The following GALNT17 variants were observed in gnomAD, a reference collection of about 807,000 sequenced individuals.
The protein encoded by GALNT17 is polypeptide N-acetylgalactosaminyltransferase 17, also known as UDP-GalNAc:polypeptide N-acetylgalactosaminyltransferase-like 3.
A neutral mutation model predicts 63.7 loss-of-function variants in GALNT17; 29 were observed. The observed-to-expected ratio is 0.46, with a 90% CI of 0.34 to 0.62. GALNT17 has a LOEUF of 0.62. GALNT17 is among the 20% of genes least tolerant of loss of function. The pLI is 0.01. For missense variants in GALNT17, 603 were observed against 799.6 expected, an observed-to-expected ratio of 0.75 and a Z score of 2.97; for synonymous variants, 305 against 318.3, an observed-to-expected ratio of 0.96 and a Z score of 0.45.
At chr7:71,243,481 C>T (rs545880348) in intron 1 of GALNT17, among the ~76,000 whole-genome samples, 5 of 152,170 alleles carry the variant, frequency 3.3e-5, no homozygotes, top group South Asian at 2.1e-4. Context: ...ACATGTTGGG[C>T]GACCTTAATT....
At chr7:71,142,984 AGGGAGGCTTGAACT>A (rs1787944834) in intron 1 of GALNT17, among the ~76,000 whole-genome samples, 1 of 150,384 alleles carries the variant, frequency 6.6e-6, no homozygotes, top group African/African-American at 2.4e-5. Flanking sequence ...GCCTGGAAGT[AGGGAGGCTTGAACT>A]GGTGCACGGT....
chr7:71,171,712 C>T (rs555763254), intron 1 of GALNT17, among the ~76,000 whole-genome samples: 18 of 152,258 alleles, frequency 1.2e-4, no homozygotes, highest in African/African-American at 2.2e-4. Context: ...GAAATACACA[C>T]GATGAGGTTG....
chr7:71,248,308 C>T (rs1790137036), intron 1 of GALNT17, among the ~76,000 whole-genome samples: 1 of 152,162 alleles, frequency 6.6e-6, no homozygotes, highest in African/African-American at 2.4e-5. Flanking sequence ...TAGGTCCCCC[C>T]CTCAACACGT....
chr7:71,628,381 G>A (rs574797831), intron 6 of GALNT17, among the ~76,000 whole-genome samples: 87 of 152,122 alleles, frequency 5.7e-4, no homozygotes, highest in African/African-American at 2.0e-3. Context: ...GGAGTGCAGT[G>A]ACATGATCTT....
chr7:71,620,237 G>C (rs141181898), intron 6 of GALNT17, among the ~76,000 whole-genome samples: 3 of 152,312 alleles, frequency 2.0e-5, no homozygotes, highest in African/African-American at 7.2e-5. Flanking sequence ...GAGGGATATA[G>C]GTTTGAAGTT....
At chr7:71,445,488 C>A (rs576006861) in intron 5 of GALNT17, among the ~76,000 whole-genome samples, 2 of 151,384 alleles carry the variant, frequency 1.3e-5, no homozygotes, top group African/African-American at 2.4e-5. Context: ...TGAGCCACTG[C>A]GCCCGGCCAG....
chr7:71,240,554 C>T (rs1180505263), intron 1 of GALNT17, among the ~76,000 whole-genome samples: 1 of 152,162 alleles, frequency 6.6e-6, no homozygotes, highest in African/African-American at 2.4e-5. Context: ...TGCATTAATT[C>T]TCTTAAGATA....
intron 5 of GALNT17, among the ~76,000 whole-genome samples, chr7:71,427,113 T>C (rs1452207844): frequency 1.3e-5 from 2 of 148,986 alleles, no homozygotes; most frequent in African/African-American, 4.9e-5. Context: ...GGAGTCTTGC[T>C]CTGTCACCCA....
chr7:71,467,678 T>A (rs1787558673), intron 5 of GALNT17, among the ~76,000 whole-genome samples: 1 of 152,120 alleles, frequency 6.6e-6, no homozygotes, highest in Admixed American at 6.6e-5. Flanking sequence ...AGCTACCAGC[T>A]TCGTCCCAGA....
intron 1 of GALNT17, among the ~76,000 whole-genome samples, chr7:71,321,072 G>T (rs4719111): frequency 0.63 from 95,126 of 151,910 alleles, 30,085 homozygotes; most frequent in African/African-American, 0.7. Context: ...GACTGAGAGG[G>T]GCTGAGCAAA....
At chr7:71,390,436 G>T (rs751489351) in intron 3 of GALNT17, among the ~76,000 whole-genome samples, 7 of 152,132 alleles carry the variant, frequency 4.6e-5, no homozygotes, top group Non-Finnish European at 1.0e-4. Context: ...TCATTTGTTG[G>T]ATTTTTCACA....
chr7:71,197,602 C>A (rs528984164), intron 1 of GALNT17, among the ~76,000 whole-genome samples: 1 of 152,022 alleles, frequency 6.6e-6, no homozygotes, highest in South Asian at 2.1e-4. Flanking sequence ...CCCCCACTCC[C>A]CTTCCCAGCC....
intron 1 of GALNT17, among the ~76,000 whole-genome samples, chr7:71,217,003 G>A (rs1181905298): frequency 6.6e-6 from 1 of 152,108 alleles, no homozygotes; most frequent in Non-Finnish European, 1.5e-5. Flanking sequence ...TTGCCCTGTT[G>A]TTTAGCCTGC....
intron 2 of GALNT17, among the ~76,000 whole-genome samples, chr7:71,387,774 G>A (rs1792973536): frequency 6.6e-6 from 1 of 152,124 alleles, no homozygotes; most frequent in African/African-American, 2.4e-5. Context: ...AGCACAGGTA[G>A]ATGCGGGTAG....
At chr7:71,544,518 A>T (rs1788949993) in intron 5 of GALNT17, among the ~76,000 whole-genome samples, 1 of 152,176 alleles carries the variant, frequency 6.6e-6, no homozygotes, top group Admixed American at 6.5e-5. Context: ...GGCTGCAGCT[A>T]GCAATCTATT....
chr7:71,684,855 G>A (rs1312595243), intron 9 of GALNT17, among the ~76,000 whole-genome samples: 1 of 151,944 alleles, frequency 6.6e-6, no homozygotes, highest in African/African-American at 2.4e-5. Context: ...TGTAAAGATG[G>A]GGTCTCACTA....
intron 2 of GALNT17, among the ~76,000 whole-genome samples, chr7:71,375,939 C>T (rs1292542891): frequency 6.6e-6 from 1 of 152,026 alleles, no homozygotes; most frequent in Non-Finnish European, 1.5e-5. Flanking sequence ...TTAGCCGGTG[C>T]GGTGGCGTGC....
At position 71,613,663 on chromosome 7, in the gene GALNT17, A is replaced by T. The variant is rs1041172168; in HGVS notation, c.1080+42261A>T. ...TCCCTCTGTCTTTGTTGGCTCCAGAACACATAATTTCAGAAAAATCAGGTA... is the reference window on the plus strand; with the variant it reads ...TCCCTCTGTCTTTGTTGGCTCCAGATCACATAATTTCAGAAAAATCAGGTA... On this transcript the variant is annotated intron_variant, in intron 6 of 10. Coordinates refer to ENST00000333538, the MANE Select transcript of GALNT17 (RefSeq NM_022479.3). Among the ~76,000 whole-genome samples the T allele has an allele frequency of 4.6e-5, 7 of 152,232 alleles. No homozygotes were observed. In the South Asian group the frequency reaches 1.5e-3, roughly 32 times the overall value.
At chr7:71,594,837 A>C (rs1271498703) in intron 6 of GALNT17, among the ~76,000 whole-genome samples, 3 of 152,202 alleles carry the variant, frequency 2.0e-5, no homozygotes, top group Admixed American at 2.0e-4. Context: ...GATAGGAAAT[A>C]GTGTATTATG....
Sources: gnomAD v4.1 joint callset for allele counts (sites outside exome capture counted in the v4.1 genomes callset) on GRCh38, gnomAD v4.1.1 for gene constraint, MANE v1.5 for transcripts, NCBI Gene and HGNC (gene_info 2026-07-23, HGNC 2026-07-21) for gene names.